The following TENM2 variants were observed in gnomAD, a reference collection of about 807,000 sequenced individuals.
TENM2 encodes teneurin transmembrane protein 2, also known as teneurin-2.
In TENM2, 52 loss-of-function variants were observed where a neutral mutation model predicts 245.2. The ratio of observed to expected loss-of-function variants is 0.21; its 90% CI spans 0.17 to 0.27. The LOEUF (loss-of-function observed/expected upper bound fraction) is 0.27, where lower values mean the gene tolerates loss of function less well. Ranked by LOEUF, TENM2 falls within the 10% of genes least tolerant of loss-of-function variation. TENM2 has a pLI of 1.00. For missense variants in TENM2, 3,046 were observed against 3,666.8 expected (o/e 0.83, Z 4.37); for synonymous variants, 1,363 against 1,438.9 (o/e 0.95, Z 1.19).
chr5:167,096,598 T>C, the TENM2 span, among the ~76,000 whole-genome samples: 1 of 152,204 alleles, frequency 6.6e-6, no homozygotes. Context: ...TCATTTCAAA[T>C]CCTACCTTTT....
At chr5:167,511,994 A>G (rs1162446785) in intron 2 of TENM2, among the ~76,000 whole-genome samples, 3 of 152,196 alleles carry the variant, frequency 2.0e-5, no homozygotes, top group African/African-American at 7.2e-5. Context: ...ATTTTAAAGC[A>G]AAGCAGAAAT....
intron 15 of TENM2, among the ~76,000 whole-genome samples, chr5:168,197,079 C>G (rs140391470): frequency 3.3e-5 from 5 of 152,296 alleles, no homozygotes; most frequent in African/African-American, 1.2e-4. Flanking sequence ...ACCGTGCCAA[C>G]TAGGAACAAT....
chr5:167,357,296 C>CT (rs1275981784), intron 1 of TENM2, among the ~76,000 whole-genome samples: 10 of 47,278 alleles, frequency 2.1e-4, no homozygotes, highest in Admixed American at 1.7e-3. Context: ...AAGAGCCATC[C>CT]TTTCTTTTTT....
chr5:167,590,193 T>C (rs1321791962), intron 2 of TENM2, among the ~76,000 whole-genome samples: 1 of 151,982 alleles, frequency 6.6e-6, no homozygotes, highest in East Asian at 1.9e-4. Flanking sequence ...TTTTTCCAAA[T>C]AGTGTTTTTT....
intron 2 of TENM2, among the ~76,000 whole-genome samples, chr5:167,739,851 A>G (rs986530955): frequency 2.6e-5 from 4 of 152,128 alleles, no homozygotes; most frequent in African/African-American, 9.7e-5. Flanking sequence ...GACACAATAT[A>G]CACATGGAAT....
intron 2 of TENM2, among the ~76,000 whole-genome samples, chr5:167,792,143 G>A (rs1765021632): frequency 6.6e-6 from 1 of 152,122 alleles, no homozygotes; most frequent in Non-Finnish European, 1.5e-5. Context: ...GCTCGTTTAT[G>A]GGATCTTCCT....
chr5:167,196,840 C>T, the TENM2 span, among the ~76,000 whole-genome samples: 2 of 151,548 alleles, frequency 1.3e-5, no homozygotes, highest in African/African-American at 4.9e-5. Context: ...ATGCAAATAC[C>T]ATGCAATTTT....
chr5:167,752,531 T>C (rs1762031441), intron 2 of TENM2, among the ~76,000 whole-genome samples: 1 of 152,150 alleles, frequency 6.6e-6, no homozygotes, highest in South Asian at 2.1e-4. Flanking sequence ...GTGCACTAGT[T>C]AGCTGTGATG....
chr5:168,026,007 A>G (rs189537602), intron 5 of TENM2, among the ~76,000 whole-genome samples: 3 of 152,320 alleles, frequency 2.0e-5, no homozygotes, highest in Admixed American at 2.0e-4. Context: ...CACAACTTCT[A>G]TTAATAATAA....
the TENM2 span, among the ~76,000 whole-genome samples, chr5:167,071,873 A>G: frequency 0.42 from 58,434 of 139,786 alleles, 13,118 homozygotes; most frequent in African/African-American, 0.51. Flanking sequence ...GAATTTTGAC[A>G]AATCGCCCCC....
intron 3 of TENM2, among the ~76,000 whole-genome samples, chr5:167,946,094 G>C (rs1220936319): frequency 6.6e-6 from 1 of 152,232 alleles, no homozygotes; most frequent in Non-Finnish European, 1.5e-5. Context: ...CCATTCTTTA[G>C]GAGATAAGTC....
chr5:168,204,724 A>G, intron 19 of TENM2, 103 bp downstream of exon 21: 1 of 1,441,836 alleles, frequency 6.9e-7, no homozygotes, highest in Non-Finnish European at 9.4e-7. Flanking sequence ...CAGAGAAGAT[A>G]TAGTCCTTGT....
the TENM2 span, among the ~76,000 whole-genome samples, chr5:167,093,312 TCTC>T: frequency 6.6e-6 from 1 of 152,182 alleles, no homozygotes. Context: ...GGTCCTTTCT[TCTC>T]CTTCACATAT....
chr5:167,731,873 T>C (rs1760463495), intron 2 of TENM2, among the ~76,000 whole-genome samples: 1 of 152,230 alleles, frequency 6.6e-6, no homozygotes, highest in Non-Finnish European at 1.5e-5. Context: ...TAAATATTTC[T>C]TAAATGAATA....
At chr5:167,351,178 A>T in intron 1 of TENM2, among the ~76,000 whole-genome samples, 1 of 149,718 alleles carries the variant, frequency 6.7e-6, no homozygotes, top group Admixed American at 6.7e-5. Context: ...ATATATACAT[A>T]TGGGATATAT....
intron 12 of TENM2, chr5:168,149,368 A>C (rs1443217091): frequency 4.4e-6 from 2 of 456,912 alleles, no homozygotes; most frequent in African/African-American, 2.0e-5. Flanking sequence ...CAGCTTCAGC[A>C]ACCTCATCTG....
intron 2 of TENM2, among the ~76,000 whole-genome samples, chr5:167,477,744 C>T (rs10462967): frequency 0.024 from 3,621 of 151,912 alleles, 251 homozygotes; most frequent in East Asian, 0.2. Context: ...TCTTCCTTCT[C>T]CACTTTGCCC....
intron 27 of TENM2, among the ~76,000 whole-genome samples, chr5:168,256,840 G>T (rs930419287): frequency 6.6e-6 from 1 of 152,176 alleles, no homozygotes. Context: ...CTTCTCCTTA[G>T]AGGGTTCTTA....
At chr5:167,598,172 G>A (rs1776354691) in intron 2 of TENM2, among the ~76,000 whole-genome samples, 1 of 152,316 alleles carries the variant, frequency 6.6e-6, no homozygotes, top group Non-Finnish European at 1.5e-5. Flanking sequence ...AGAGCAGATT[G>A]ATATTGCATT....
Sources: allele counts gnomAD v4.1 joint callset (sites outside exome capture counted in the v4.1 genomes callset), GRCh38; gene constraint gnomAD v4.1.1; transcripts MANE v1.5; gene names NCBI Gene and HGNC (gene_info 2026-07-23, HGNC 2026-07-21).